The following CACNA2D3 variants were observed in gnomAD, a reference collection of about 807,000 sequenced individuals.
CACNA2D3 encodes voltage-dependent calcium channel subunit alpha-2/delta-3.
In CACNA2D3, 60 loss-of-function variants were observed where a neutral mutation model predicts 160.6. The ratio of observed to expected loss-of-function variants is 0.37; its 90% CI spans 0.30 to 0.46. The LOEUF is 0.46. Among genes scored for constraint, CACNA2D3 ranks in the 20% least tolerant of loss-of-function variants. CACNA2D3 has a pLI of 1.00. For missense variants in CACNA2D3, 1,205 were observed against 1,365.0 expected, an observed-to-expected ratio of 0.88 and a Z score of 1.85; for synonymous variants, 558 against 492.9, an observed-to-expected ratio of 1.13 and a Z score of -1.75.
At chr3:54,412,209 A>G (rs980040328) in intron 4 of CACNA2D3, among the ~76,000 whole-genome samples, 9 of 152,084 alleles carry the variant, frequency 5.9e-5, no homozygotes, top group African/African-American at 2.2e-4. Context: ...GATACTGTAC[A>G]TTTCTTCTAA....
intron 3 of CACNA2D3, among the ~76,000 whole-genome samples, chr3:54,378,056 G>A (rs189614968): frequency 3.3e-5 from 5 of 152,120 alleles, no homozygotes; most frequent in Admixed American, 1.3e-4. Flanking sequence ...CCCTGGAAAC[G>A]TATAATTAAG....
chr3:54,253,569 C>A (rs1235196466), intron 2 of CACNA2D3, among the ~76,000 whole-genome samples: 1 of 152,116 alleles, frequency 6.6e-6, no homozygotes, highest in Non-Finnish European at 1.5e-5. Flanking sequence ...CACCAGGGCC[C>A]ACCTCCAACA....
At chr3:54,599,506 T>C (rs563028652) in intron 9 of CACNA2D3, among the ~76,000 whole-genome samples, 8 of 152,344 alleles carry the variant, frequency 5.3e-5, no homozygotes, top group African/African-American at 1.4e-4. Context: ...CCAATTTGTA[T>C]TGTGAATTCC....
chr3:54,146,271 C>T (rs1415782010), intron 2 of CACNA2D3, among the ~76,000 whole-genome samples: 1 of 152,170 alleles, frequency 6.6e-6, no homozygotes, highest in Non-Finnish European at 1.5e-5. Flanking sequence ...AATTTGTTGG[C>T]TAACTTCCTT....
intron 17 of CACNA2D3, among the ~76,000 whole-genome samples, chr3:54,854,825 A>G (rs891484525): frequency 1.3e-5 from 2 of 152,192 alleles, no homozygotes; most frequent in African/African-American, 2.4e-5. Context: ...AGGCCAAGGA[A>G]TGTGTCAAGC....
At chr3:55,003,637 G>T (rs1703030096) in intron 31 of CACNA2D3, among the ~76,000 whole-genome samples, 1 of 152,120 alleles carries the variant, frequency 6.6e-6, no homozygotes. Flanking sequence ...ATGATTTTGA[G>T]GGGGAAACGA....
intron 13 of CACNA2D3, among the ~76,000 whole-genome samples, chr3:54,771,721 T>C (rs907246007): frequency 1.3e-5 from 2 of 152,200 alleles, no homozygotes; most frequent in Non-Finnish European, 2.9e-5. Context: ...ATCATTTCTT[T>C]TTTAATTAAC....
At chr3:54,286,576 G>A (rs535291261) in intron 2 of CACNA2D3, among the ~76,000 whole-genome samples, 1 of 152,120 alleles carries the variant, frequency 6.6e-6, no homozygotes, top group African/African-American at 2.4e-5. Flanking sequence ...GAAATACAGA[G>A]AACGCCACAA....
At chr3:54,730,037 G>A (rs964524104) in intron 11 of CACNA2D3, among the ~76,000 whole-genome samples, 2 of 151,108 alleles carry the variant, frequency 1.3e-5, no homozygotes, top group African/African-American at 4.9e-5. Flanking sequence ...GTTTATGGAG[G>A]CCTTTTTATT....
At chr3:54,270,704 A>G (rs1328920689) in intron 2 of CACNA2D3, among the ~76,000 whole-genome samples, 1 of 152,250 alleles carries the variant, frequency 6.6e-6, no homozygotes, top group Non-Finnish European at 1.5e-5. Context: ...GGCTCTGGGA[A>G]GAATACTCTT....
intron 9 of CACNA2D3, among the ~76,000 whole-genome samples, chr3:54,596,701 CA>C (rs1316239652): frequency 6.6e-6 from 1 of 152,094 alleles, no homozygotes; most frequent in Non-Finnish European, 1.5e-5. Context: ...CCAGCCAAAT[CA>C]AAATTCTTCT....
At chr3:54,993,963 A>G (rs1478035513) in intron 31 of CACNA2D3, among the ~76,000 whole-genome samples, 1 of 125,496 alleles carries the variant, frequency 8.0e-6, no homozygotes, top group Non-Finnish European at 1.6e-5. Context: ...TGTTGTTTGT[A>G]TTTCTGCTGT....
At chr3:54,184,115 C>T (rs961498437) in intron 2 of CACNA2D3, among the ~76,000 whole-genome samples, 5 of 152,032 alleles carry the variant, frequency 3.3e-5, no homozygotes, top group African/African-American at 1.2e-4. Context: ...ATGTTGTTTT[C>T]TATCTCTTTG....
chr3:54,140,430 C>T (rs1699901976), intron 2 of CACNA2D3, among the ~76,000 whole-genome samples: 1 of 152,222 alleles, frequency 6.6e-6, no homozygotes, highest in Admixed American at 6.5e-5. Flanking sequence ...ACACCCTGCC[C>T]TCTTCCACTC....
intron 5 of CACNA2D3, among the ~76,000 whole-genome samples, chr3:54,505,500 T>A (rs1701355005): frequency 6.6e-6 from 1 of 152,146 alleles, no homozygotes; most frequent in African/African-American, 2.4e-5. Flanking sequence ...TAGAAACAAA[T>A]GGAACCAAGA....
intron 27 of CACNA2D3, among the ~76,000 whole-genome samples, chr3:54,940,438 C>T (rs1701437000): frequency 6.6e-6 from 1 of 152,188 alleles, no homozygotes; most frequent in Non-Finnish European, 1.5e-5. Context: ...CTGTTCCTCA[C>T]TGATATTTTA....
chr3:54,688,979 CAAAAAAAAAA>C (rs1162900126), intron 11 of CACNA2D3, among the ~76,000 whole-genome samples: 357 of 31,434 alleles, frequency 0.011, 13 homozygotes, highest in African/African-American at 0.036. Flanking sequence ...GAGACTGTCT[CAAAAAAAAAA>C]AAAAAAAAAA....
intron 4 of CACNA2D3, among the ~76,000 whole-genome samples, chr3:54,461,858 A>G (rs377291262): frequency 6.6e-6 from 1 of 151,894 alleles, no homozygotes; most frequent in Non-Finnish European, 1.5e-5. Context: ...AGTTCTTTTA[A>G]TTGTGATGTT....
At chr3:54,451,229 C>CTTATTTTTTTTTTTTTTTTTTTTTTTT (rs1700301803) in intron 4 of CACNA2D3, among the ~76,000 whole-genome samples, 1 of 51,732 alleles carries the variant, frequency 1.9e-5, no homozygotes. Flanking sequence ...ATATAATAAT[C>CTTATTTTTTTTTTTTTTTTTTTTTTTT]TTTTTTTTTT....
Sources: gnomAD v4.1 joint callset for allele counts (sites outside exome capture counted in the v4.1 genomes callset) on GRCh38, gnomAD v4.1.1 for gene constraint, MANE v1.5 for transcripts, NCBI Gene and HGNC (gene_info 2026-07-23, HGNC 2026-07-21) for gene names.